Variants in HFM1 observed in about 807,000 individuals in gnomAD.
The protein encoded by HFM1 is probable ATP-dependent DNA helicase HFM1.
A neutral mutation model predicts 192.1 loss-of-function variants in HFM1; 169 were observed. The ratio of observed to expected loss-of-function variants is 0.88; its 90% CI spans 0.78 to 1.00. The LOEUF (loss-of-function observed/expected upper bound fraction) is 1.00. HFM1 is among the 50% of genes least tolerant of loss of function. The probability of loss-of-function intolerance (pLI) is 0.00; values close to 1 mark genes in which losing one functional copy is unlikely to be tolerated. For synonymous variants in HFM1, 525 were observed against 537.8 expected (o/e 0.98, Z 0.33); for missense variants, 1,661 against 1,668.0 (o/e 1.00, Z 0.07).
chr1:91,364,634 T>TATA (rs1334800245), intron 13 of HFM1, among the ~76,000 whole-genome samples: 10 of 93,040 alleles, frequency 1.1e-4, no homozygotes, highest in African/African-American at 4.6e-4. Context: ...ATATATATAT[T>TATA]TTTTTTTTTT....
At chr1:91,280,422 G>A (rs1434394186) in intron 30 of HFM1, among the ~76,000 whole-genome samples, 1 of 152,192 alleles carries the variant, frequency 6.6e-6, no homozygotes, top group East Asian at 1.9e-4. Context: ...GTTTGTAGGG[G>A]AACAGTTCCA....
chr1:91,360,846 T>C (rs1467782109), intron 13 of HFM1, among the ~76,000 whole-genome samples: 4 of 152,112 alleles, frequency 2.6e-5, no homozygotes, highest in African/African-American at 9.7e-5. Context: ...ACAAACAGTC[T>C]CTCAGACCAG....
At chr1:91,363,764 A>G (rs918846862) in intron 13 of HFM1, among the ~76,000 whole-genome samples, 1 of 152,238 alleles carries the variant, frequency 6.6e-6, no homozygotes, top group African/African-American at 2.4e-5. Context: ...TATTCACAAT[A>G]GCAAAGACAT....
intron 4 of HFM1, among the ~76,000 whole-genome samples, chr1:91,391,537 C>G (rs1482486391): frequency 6.6e-6 from 1 of 152,176 alleles, no homozygotes; most frequent in Non-Finnish European, 1.5e-5. Flanking sequence ...GCTGGGAAAA[C>G]TGGCTAGCCA....
At chr1:91,399,493 C>T (rs1013332923) in intron 2 of HFM1, among the ~76,000 whole-genome samples, 4 of 152,184 alleles carry the variant, frequency 2.6e-5, no homozygotes, top group Admixed American at 6.5e-5. Context: ...TATCCAAAAT[C>T]CTTATTCCAG....
In HFM1 at chr1:91,378,435, C is replaced by T. The variant is rs777481519; in HGVS notation, c.1204G>A (p.Val402Ile). The T allele has an allele frequency of 5.0e-6, 8 of 1,606,038 alleles. No individual in the cohort carries two copies. The highest frequency in any genetic ancestry group is 6.8e-6 in the Non-Finnish European group (8 of 1,174,828). The change falls in exon 10 of 39, where the codon GTT (valine) becomes ATT (isoleucine). Residue 402 changes from valine (V) to isoleucine (I), a missense_variant. By Grantham distance (29) the Val-to-Ile change is conservative. Coordinates refer to ENST00000370425, the MANE Select transcript of HFM1 (RefSeq NM_001017975.6). ...MTRKWRDNSL[V>I]QLVRLFLIDE... Reference sequence around the variant, plus strand: ...ATGAGAAACAGTCGAACCAGCTGAACCAAAGAGTTGTCTCTCCATTTCCTA... The same window carrying T: ...ATGAGAAACAGTCGAACCAGCTGAATCAAAGAGTTGTCTCTCCATTTCCTA...
At chr1:91,280,594 C>A (rs1479836028) in intron 30 of HFM1, among the ~76,000 whole-genome samples, 1 of 152,170 alleles carries the variant, frequency 6.6e-6, no homozygotes, top group Non-Finnish European at 1.5e-5. Flanking sequence ...TGCAGAAGAC[C>A]CTCGATCTTG....
intron 30 of HFM1, among the ~76,000 whole-genome samples, chr1:91,312,183 C>A (rs1421533371): frequency 1.3e-5 from 2 of 152,150 alleles, no homozygotes; most frequent in African/African-American, 4.8e-5. Context: ...GTCAGAGCCC[C>A]CACACAGAGT....
At chr1:91,368,333 A>C (rs1659674987) in intron 13 of HFM1, among the ~76,000 whole-genome samples, 1 of 152,248 alleles carries the variant, frequency 6.6e-6, no homozygotes, top group Non-Finnish European at 1.5e-5. Flanking sequence ...AAAAATGTTA[A>C]GAGTAGCCAG....
chr1:91,262,175 G>C (rs939436793), intron 38 of HFM1, 66 bp downstream of exon 38: 8 of 697,130 alleles, frequency 1.1e-5, no homozygotes, highest in Non-Finnish European at 1.8e-5. Flanking sequence ...GAAAACGGAA[G>C]GCTGAATTTC....
At chr1:91,291,004 G>A (rs553088484) in intron 30 of HFM1, among the ~76,000 whole-genome samples, 59 of 152,172 alleles carry the variant, frequency 3.9e-4, no homozygotes, top group African/African-American at 1.3e-3. Context: ...TGAAACCAAC[G>A]AGAACGAAGA....
chr1:91,312,318 C>G (rs971686903), intron 30 of HFM1, among the ~76,000 whole-genome samples: 1 of 152,108 alleles, frequency 6.6e-6, no homozygotes, highest in Admixed American at 6.5e-5. Context: ...TCAACACCAA[C>G]CCATGAAAGC....
chr1:91,353,530 C>T (rs72728206), intron 13 of HFM1, among the ~76,000 whole-genome samples: 4,551 of 151,328 alleles, frequency 0.03, 93 homozygotes, highest in Non-Finnish European at 0.049. Flanking sequence ...AACTCACTTT[C>T]CCCAAGAAAA....
chr1:91,273,439 C>T (rs1298263929), intron 34 of HFM1, among the ~76,000 whole-genome samples: 1 of 151,952 alleles, frequency 6.6e-6, no homozygotes, highest in Non-Finnish European at 1.5e-5. Flanking sequence ...ACCCAAGGAT[C>T]CCTTATTTGC....
intron 30 of HFM1, among the ~76,000 whole-genome samples, chr1:91,289,753 G>A (rs919436737): frequency 3.3e-5 from 5 of 152,066 alleles, no homozygotes; most frequent in African/African-American, 7.2e-5. Context: ...CCAGGCACTC[G>A]GCAGGCTGAG....
At chr1:91,274,951 G>T in intron 32 of HFM1, 142 bp from the exon 33 acceptor site, 1 of 442,504 alleles carries the variant, frequency 2.3e-6, no homozygotes, top group Non-Finnish European at 4.1e-6. Flanking sequence ...TTCTTGACTC[G>T]AATATTTCAC....
rs185627615 is a variant in HFM1, at chr1:91,377,586, A to G, written c.1395+439T>C. 161 of 163,490 alleles carry G rather than the reference A, an allele frequency of 9.8e-4. 1 individual carries two copies. The highest frequency in any genetic ancestry group is 5.7e-3 in the Middle Eastern group (2 of 352). The allele number at this position is 163,490 out of a possible 1,614,324, so 10.1% of individuals were successfully genotyped here. A position where few individuals can be genotyped will look rare whatever the true frequency, so the allele number is the denominator to read the frequency against. On this transcript the variant is annotated intron_variant, in intron 11 of 38. Coordinates refer to ENST00000370425, the MANE Select transcript of HFM1 (RefSeq NM_001017975.6). ...GATCCTCCTCAAGGACGGAGTCCAT[A>G]TATTTTCACTTTTGCATCTATATTT...
intron 30 of HFM1, among the ~76,000 whole-genome samples, chr1:91,305,431 G>A (rs529426851): frequency 6.6e-6 from 1 of 151,708 alleles, no homozygotes; most frequent in East Asian, 1.9e-4. Flanking sequence ...TGATGCTATT[G>A]TACAATTGTT....
intron 20 of HFM1, chr1:91,329,147 G>A: frequency 6.2e-7 from 1 of 1,609,870 alleles, no homozygotes; most frequent in East Asian, 2.2e-5. Flanking sequence ...AGAGCATCGA[G>A]GAGATCGTGC....
Sources: gnomAD v4.1 joint callset for allele counts (sites outside exome capture counted in the v4.1 genomes callset) on GRCh38, gnomAD v4.1.1 for gene constraint, MANE v1.5 for transcripts, NCBI Gene and HGNC (gene_info 2026-07-23, HGNC 2026-07-21) for gene names.